RASGRF2: variants seen among roughly 807,000 people sequenced by gnomAD.
RASGRF2 encodes the protein Ras protein specific guanine nucleotide releasing factor 2, also known as ras-specific guanine nucleotide-releasing factor 2.
In RASGRF2, 76 loss-of-function variants were observed where a neutral mutation model predicts 151.0. The ratio of observed to expected loss-of-function variants is 0.50; its 90% CI spans 0.42 to 0.61. The LOEUF (loss-of-function observed/expected upper bound fraction) is 0.61, where lower values mean the gene tolerates loss of function less well. RASGRF2 is among the 20% of genes least tolerant of loss of function. The pLI is 0.00. For missense variants in RASGRF2, 1,148 were observed against 1,564.6 expected, an observed-to-expected ratio of 0.73 and a Z score of 4.49; for synonymous variants, 504 against 566.5, an observed-to-expected ratio of 0.89 and a Z score of 1.57.
In RASGRF2 at chr5:81,073,407, A is replaced by G. The variant is rs757515746; in HGVS notation, c.842A>G (p.Lys281Arg). ...CTGCGTATGGCCGCCAGCTCCAAGA[A>G]GCCCCCCATCAGCCACGACGACGTC... Reference protein sequence around the residue: ...RPLRMAASSKKPPISHDDVSS... With the variant: ...RPLRMAASSKRPPISHDDVSS... The change falls in exon 5 of 27, where the codon AAG (lysine) becomes AGG (arginine). Residue 281 changes from lysine to arginine, a missense_variant. By Grantham distance (26) the Lys-to-Arg change is conservative. Transcript: ENST00000265080. The G allele has an allele frequency of 6.2e-7, 1 of 1,614,136 alleles. No homozygotes were observed. Among genetic ancestry groups the G allele is most frequent in the African/African-American group, 1.3e-5 (1 of 75,022 alleles).
chr5:81,002,237 A>G (rs955013065), intron 1 of RASGRF2, among the ~76,000 whole-genome samples: 1 of 152,190 alleles, frequency 6.6e-6, no homozygotes, highest in Non-Finnish European at 1.5e-5. Context: ...TAAGCTGTCA[A>G]CTTTCTTTTC....
chr5:80,965,199 A>C (rs1417538675), intron 1 of RASGRF2, among the ~76,000 whole-genome samples: 4 of 152,098 alleles, frequency 2.6e-5, no homozygotes, highest in African/African-American at 4.8e-5. Flanking sequence ...CATCGAATGA[A>C]TTAGGCAGAG....
At chr5:80,970,057 T>C (rs1226181957) in intron 1 of RASGRF2, among the ~76,000 whole-genome samples, 2 of 149,700 alleles carry the variant, frequency 1.3e-5, no homozygotes, top group Non-Finnish European at 3.0e-5. Context: ...ACTCCTAACC[T>C]CAGGTGATCT....
At chr5:81,060,393 C>T (rs1751391571) in intron 2 of RASGRF2, among the ~76,000 whole-genome samples, 1 of 152,116 alleles carries the variant, frequency 6.6e-6, no homozygotes. Context: ...AGTCGTTTCT[C>T]CAGTACCATT....
chr5:81,162,466 G>A (rs764337095), intron 17 of RASGRF2, among the ~76,000 whole-genome samples: 2 of 152,138 alleles, frequency 1.3e-5, no homozygotes, highest in Non-Finnish European at 2.9e-5. Flanking sequence ...TCCTGCCTTA[G>A]CATCATGAGT....
chr5:81,225,487 G>A (rs962962256), intron 26 of RASGRF2, among the ~76,000 whole-genome samples, 191 bp from the exon 27 acceptor site: 1 of 151,268 alleles, frequency 6.6e-6, no homozygotes, highest in African/African-American at 2.4e-5. Flanking sequence ...GGGATTGGGG[G>A]TTGAGAGAGG....
At chr5:81,092,071 G>A (rs940701888) in intron 9 of RASGRF2, among the ~76,000 whole-genome samples, 4 of 152,100 alleles carry the variant, frequency 2.6e-5, no homozygotes, top group Non-Finnish European at 5.9e-5. Context: ...GTGAAATCTA[G>A]AAATAATCAA....
At chr5:81,145,643 C>T (rs553830544) in intron 17 of RASGRF2, among the ~76,000 whole-genome samples, 3 of 152,182 alleles carry the variant, frequency 2.0e-5, no homozygotes, top group African/African-American at 7.2e-5. Context: ...AGGAGAGTCG[C>T]ACAGGGGAAA....
At chr5:81,042,562 A>G (rs1308706749) in intron 1 of RASGRF2, among the ~76,000 whole-genome samples, 2 of 152,208 alleles carry the variant, frequency 1.3e-5, no homozygotes, top group Non-Finnish European at 2.9e-5. Flanking sequence ...CTTTTGGAAA[A>G]TATCATATTA....
intron 1 of RASGRF2, among the ~76,000 whole-genome samples, chr5:81,023,800 T>G (rs551463): frequency 0.26 from 38,848 of 152,138 alleles, 5,994 homozygotes; most frequent in Middle Eastern, 0.54. Flanking sequence ...CATTAAGTGT[T>G]TCCTCTCCCC....
chr5:81,086,830 C>A lies in RASGRF2; in HGVS notation c.1272-5C>A. On this transcript the variant is annotated splice_region_variant and splice_polypyrimidine_tract_variant and intron_variant, in intron 8 of 26. Coordinates refer to ENST00000265080, the MANE Select transcript of RASGRF2 (RefSeq NM_006909.3). ...TACTGTGATCCTGTCTGTGTTGTGT[C>A]ACAGAGTAATGCACGATGAAGTCAG... 1 of 1,604,036 alleles carries A rather than the reference C, an allele frequency of 6.2e-7. No individual in the cohort carries two copies. The highest frequency in any genetic ancestry group is 8.5e-7 in the Non-Finnish European group (1 of 1,170,910).
chr5:81,061,298 T>C (rs996111233), intron 2 of RASGRF2, among the ~76,000 whole-genome samples: 3 of 152,150 alleles, frequency 2.0e-5, no homozygotes, highest in African/African-American at 7.2e-5. Flanking sequence ...TTTTCTTGAG[T>C]GATATTATTA....
In RASGRF2 at chr5:81,092,895, C is replaced by T; in HGVS notation, c.1485C>T (p.Cys495=). Residue 495 remains cysteine (C), a synonymous_variant, in exon 10 of 27, where the codon TGC becomes TGT. Transcript: ENST00000265080. ...LSLKKEGERQ[C]FLFTKHFLIC... is the part of the protein sequence containing the mutation. ...TGAAAAAGGAAGGAGAGAGACAATG[C>T]TTCTTATTTACAAAACACTTTTTAA... is the stretch of plus-strand genomic sequence containing the variant. 1.2e-6 allele frequency: 2 copies of T among 1,612,572 alleles called. No homozygotes were observed. The highest frequency in any genetic ancestry group is 1.7e-6 in the Non-Finnish European group (2 of 1,178,616).
At chr5:80,978,656 G>A (rs946780042) in intron 1 of RASGRF2, among the ~76,000 whole-genome samples, 13 of 152,190 alleles carry the variant, frequency 8.5e-5, no homozygotes, top group African/African-American at 1.9e-4. Context: ...GCGCGATGGC[G>A]GGTGCCTGTA....
At chr5:81,064,966 T>G (rs936186844) in intron 2 of RASGRF2, among the ~76,000 whole-genome samples, 2 of 152,168 alleles carry the variant, frequency 1.3e-5, no homozygotes, top group African/African-American at 4.8e-5. Context: ...ATGAAAGACC[T>G]TACAGAGCAG....
At chr5:80,996,515 TCCTCCCCCTCCTCCTCCTCCCCC>T (rs1748876626) in intron 1 of RASGRF2, among the ~76,000 whole-genome samples, 1 of 46,456 alleles carries the variant, frequency 2.2e-5, no homozygotes, top group African/African-American at 9.3e-5. Context: ...CTCCTCCTCC[TCCTCCCCCTCCTCCTCCTCCCCC>T]TCCTCCTCCT....
chr5:80,995,687 C>CT (rs1748825471), intron 1 of RASGRF2, among the ~76,000 whole-genome samples: 2 of 123,720 alleles, frequency 1.6e-5, no homozygotes, highest in Non-Finnish European at 3.4e-5. Flanking sequence ...CTTTCCTTCC[C>CT]CCCCCCTTTT....
At chr5:81,013,792 A>G (rs2112320847) in intron 1 of RASGRF2, among the ~76,000 whole-genome samples, 1 of 152,220 alleles carries the variant, frequency 6.6e-6, no homozygotes, top group African/African-American at 2.4e-5. Flanking sequence ...GACTCTCTGC[A>G]GTTGGTGTTA....
At chr5:81,046,991 G>A (rs991369452) in intron 2 of RASGRF2, among the ~76,000 whole-genome samples, 1 of 152,180 alleles carries the variant, frequency 6.6e-6, no homozygotes, top group Non-Finnish European at 1.5e-5. Context: ...GTTCTCCAGA[G>A]ATGTAGGGGG....
Sources: allele counts gnomAD v4.1 joint callset (sites outside exome capture counted in the v4.1 genomes callset), GRCh38; gene constraint gnomAD v4.1.1; transcripts MANE v1.5; gene names NCBI Gene and HGNC (gene_info 2026-07-23, HGNC 2026-07-21).